Variants in ADAMTS6 observed in about 807,000 individuals in gnomAD.
The protein encoded by ADAMTS6 is A disintegrin and metalloproteinase with thrombospondin motifs 6.
Under a neutral mutation model 144.3 loss-of-function variants are expected in ADAMTS6, and 23 were observed. The observed-to-expected ratio is 0.16, with a 90% CI of 0.11 to 0.23. ADAMTS6 has a LOEUF of 0.23. Among genes scored for constraint, ADAMTS6 ranks in the 10% least tolerant of loss-of-function variants. The probability of loss-of-function intolerance (pLI) is 1.00; values close to 1 mark genes in which losing one functional copy is unlikely to be tolerated. For synonymous variants in ADAMTS6, 444 were observed against 457.5 expected (o/e 0.97, Z 0.38); for missense variants, 999 against 1,379.6 (o/e 0.72, Z 4.37).
At chr5:65,409,837 T>C (rs1201233836) in intron 7 of ADAMTS6, among the ~76,000 whole-genome samples, 1 of 152,210 alleles carries the variant, frequency 6.6e-6, no homozygotes, top group Non-Finnish European at 1.5e-5. Flanking sequence ...GCAAGGCTTG[T>C]TCAACATATG....
chr5:65,297,247 G>GA (rs1580327922), intron 10 of ADAMTS6: 6 of 454,604 alleles, frequency 1.3e-5, no homozygotes, highest in Non-Finnish European at 2.7e-5. Context: ...TAAGAAATCT[G>GA]AAAAAAAATA....
chr5:65,409,222 T>A (rs1054797410), intron 7 of ADAMTS6, among the ~76,000 whole-genome samples: 4 of 151,436 alleles, frequency 2.6e-5, no homozygotes, highest in Non-Finnish European at 4.4e-5. Context: ...CTGGTTTTTT[T>A]AAAAGATCAA....
chr5:65,269,760 T>G (rs1761910705), intron 12 of ADAMTS6, among the ~76,000 whole-genome samples: 1 of 151,954 alleles, frequency 6.6e-6, no homozygotes, highest in Admixed American at 6.6e-5. Context: ...GTAAAGTACT[T>G]AGCAACATGT....
chr5:65,154,482 T>C (rs1414255905), intron 24 of ADAMTS6, among the ~76,000 whole-genome samples: 7 of 152,198 alleles, frequency 4.6e-5, no homozygotes, highest in African/African-American at 2.4e-5. Context: ...CTTAGGGACG[T>C]TGGGATTATG....
chr5:65,339,455 C>CAAAAAAAAAAAAAAAAAAAAAAA (rs538468970), intron 7 of ADAMTS6, among the ~76,000 whole-genome samples: 1 of 108,670 alleles, frequency 9.2e-6, no homozygotes, highest in African/African-American at 3.0e-5. Flanking sequence ...ATAAAAAAAG[C>CAAAAAAAAAAAAAAAAAAAAAAA]AAAAAAAAAA....
intron 7 of ADAMTS6, among the ~76,000 whole-genome samples, chr5:65,419,736 C>G (rs1056184528): frequency 1.3e-5 from 2 of 152,088 alleles, no homozygotes; most frequent in Non-Finnish European, 2.9e-5. Context: ...AGGTCAAACA[C>G]AAAAGGCCAC....
chr5:65,328,944 A>G (rs1457362291), intron 9 of ADAMTS6, among the ~76,000 whole-genome samples: 1 of 152,012 alleles, frequency 6.6e-6, no homozygotes, highest in Non-Finnish European at 1.5e-5. Flanking sequence ...AATACAAGTT[A>G]CATAGCAATG....
At position 65,451,524 on chromosome 5, in the gene ADAMTS6, T is replaced by G; in HGVS notation, c.1024A>C (p.Ile342Leu). ...TGGTGGGCAATCCCATTTTCTGGAA[T>G]GGTGTTTCCATCACTTTGGTGGGAG... is the stretch of plus-strand genomic sequence containing the variant. ...ILSHQSDGNT[I>L]PENGIAHHDN... The change falls in exon 7 of 25, where the codon ATT (isoleucine) becomes CTT (leucine). Residue 342 changes from isoleucine to leucine, a missense_variant. By Grantham distance (5) the Ile-to-Leu change is conservative. This residue lies in a region of ADAMTS6 where 128 missense variants were observed against 249.0 expected (regional missense o/e 0.51). Transcript: ENST00000381055. The G allele has an allele frequency of 6.2e-7, 1 of 1,613,848 alleles. No homozygotes were observed. Among genetic ancestry groups the G allele is most frequent in the Non-Finnish European group, 8.5e-7 (1 of 1,179,860 alleles).
At chr5:65,463,134 T>C (rs951127267) in intron 3 of ADAMTS6, among the ~76,000 whole-genome samples, 4 of 147,892 alleles carry the variant, frequency 2.7e-5, no homozygotes, top group Non-Finnish European at 4.5e-5. Context: ...CAGGTACTGA[T>C]AAACATTAAG....
At chr5:65,194,230 A>T (rs997468506) in intron 21 of ADAMTS6, among the ~76,000 whole-genome samples, 11 of 152,332 alleles carry the variant, frequency 7.2e-5, no homozygotes, top group Non-Finnish European at 1.6e-4. Flanking sequence ...TCAACTTTAC[A>T]TGATAAGAAA....
At chr5:65,164,175 CACCGTGCGCGA>C (rs1488666127) in intron 24 of ADAMTS6, among the ~76,000 whole-genome samples, 2 of 151,798 alleles carry the variant, frequency 1.3e-5, no homozygotes, top group East Asian at 1.9e-4. Context: ...TGGGTGCGCG[CACCGTGCGCGA>C]GCCGAAGCAG....
Position 65,215,483 on chromosome 5 carries a change from T to C in ADAMTS6, c.2277A>G (p.Leu759=). The C allele has an allele frequency of 6.2e-7, 1 of 1,600,456 alleles. No individual in the cohort carries two copies. The highest frequency in any genetic ancestry group is 8.5e-7 in the Non-Finnish European group (1 of 1,176,000). The change falls in exon 19 of 25, where the codon TTA becomes TTG. Residue 759 remains leucine, a synonymous_variant. Transcript: ENST00000381055. The part of the protein sequence containing the change: ...EVAMSKNYIA[L]KSEGDDYYIN... ...TATAGTAATCATCTCCTTCAGATTT[T>C]AAAGCTAGAAAACAAATCACAATTC...
rs1222920771 is a variant in ADAMTS6 at position 65,333,941 on chromosome 5, T to C, written c.1117+101A>G. 4 of 1,103,116 alleles carry C rather than the reference T, an allele frequency of 3.6e-6. No homozygotes were observed. In the East Asian group the frequency reaches 1.0e-4, roughly 29 times the overall value. 68.3% of individuals were successfully genotyped at this position (1,103,116 alleles called of 1,614,324 possible). On this transcript the variant is annotated intron_variant, in intron 8 of 24. Coordinates refer to ENST00000381055, the MANE Select transcript of ADAMTS6 (RefSeq NM_197941.4). ...ACAGAAAGGAAAATGACCAAATTAA[T>C]AATAAAGATTAAAGTCATTGGTCCA...
At chr5:65,470,225 A>G (rs1760330356) in intron 3 of ADAMTS6, among the ~76,000 whole-genome samples, 1 of 152,174 alleles carries the variant, frequency 6.6e-6, no homozygotes, top group East Asian at 1.9e-4. Flanking sequence ...CACCCAGCCT[A>G]GAACCCATTT....
At chr5:65,465,853 C>G (rs915163480) in intron 3 of ADAMTS6, among the ~76,000 whole-genome samples, 1 of 152,218 alleles carries the variant, frequency 6.6e-6, no homozygotes. Flanking sequence ...TTGGAATGCC[C>G]AAGGGCTCAG....
intron 20 of ADAMTS6, among the ~76,000 whole-genome samples, chr5:65,206,615 G>A (rs910780351): frequency 6.7e-6 from 1 of 148,550 alleles, no homozygotes; most frequent in South Asian, 2.1e-4. Context: ...CAGGGGAATT[G>A]CTTGAACCAG....
At chr5:65,264,786 G>A (rs1761479605) in intron 12 of ADAMTS6, among the ~76,000 whole-genome samples, 1 of 152,036 alleles carries the variant, frequency 6.6e-6, no homozygotes, top group Non-Finnish European at 1.5e-5. Context: ...CGTTTTATTG[G>A]AAACAATGAA....
chr5:65,432,402 G>GA (rs1757065644), intron 7 of ADAMTS6, among the ~76,000 whole-genome samples: 1 of 151,684 alleles, frequency 6.6e-6, no homozygotes, highest in Non-Finnish European at 1.5e-5. Context: ...TGGGATAAAA[G>GA]AAAAAAGAAA....
intron 24 of ADAMTS6, among the ~76,000 whole-genome samples, chr5:65,169,581 G>A (rs1275089826): frequency 6.9e-6 from 1 of 145,702 alleles, no homozygotes; most frequent in African/African-American, 2.7e-5. Context: ...AAAGACACAT[G>A]CACACGTATG....
Sources: gnomAD v4.1 joint callset for allele counts (sites outside exome capture counted in the v4.1 genomes callset) on GRCh38, gnomAD v4.1.1 for gene constraint, gnomAD v4.1.1 regional missense constraint, MANE v1.5 for transcripts, NCBI Gene and HGNC (gene_info 2026-07-23, HGNC 2026-07-21) for gene names.